The following SHISA9 variants were observed in gnomAD, a reference collection of about 807,000 sequenced individuals.
SHISA9 encodes the protein shisa family member 9.
A neutral mutation model predicts 38.0 loss-of-function variants in SHISA9; 13 were observed. That is an observed-to-expected ratio of 0.34 (90% confidence interval 0.22 to 0.54). The LOEUF is 0.54. Among genes scored for constraint, SHISA9 ranks in the 20% least tolerant of loss-of-function variants. The probability of loss-of-function intolerance (pLI) is 0.91; values close to 1 mark genes in which losing one functional copy is unlikely to be tolerated. For missense variants in SHISA9, 538 were observed against 575.8 expected (o/e 0.93, Z 0.67); for synonymous variants, 275 against 242.0 (o/e 1.14, Z -1.27).
chr16:13,044,239 A>T lies in SHISA9; in HGVS notation c.691+127424A>T, dbSNP rs563896183. ...GCACTTACAGATATCAGGTTGGTGC[A>T]AAAATAATTTTCCCAATACATGAAT... is the stretch of plus-strand genomic sequence containing the variant. On this transcript the variant is annotated intron_variant, in intron 2 of 4. Coordinates refer to ENST00000558583, the MANE Select transcript of SHISA9 (RefSeq NM_001145204.3). Among the ~76,000 whole-genome samples the T allele has an allele frequency of 7.2e-5, 11 of 152,294 alleles. No individual in the cohort carries two copies. The East Asian group carries it at 1.9e-3, about 27-fold the overall frequency.
intron 2 of SHISA9, among the ~76,000 whole-genome samples, chr16:12,957,678 T>C (rs1482618182): frequency 6.6e-6 from 1 of 152,212 alleles, no homozygotes; most frequent in East Asian, 1.9e-4. Context: ...ACATTCAGTC[T>C]ATGACAGGCT....
At chr16:12,953,239 C>G (rs576412545) in intron 2 of SHISA9, among the ~76,000 whole-genome samples, 3 of 146,646 alleles carry the variant, frequency 2.0e-5, no homozygotes, top group African/African-American at 7.4e-5. Context: ...ACAACAACAA[C>G]AAAAAACAGC....
rs1423100320 is a variant in SHISA9 at position 12,902,433 on chromosome 16, C to A, written c.369C>A (p.Tyr123Ter). Residue 123 changes from tyrosine (Y) to a stop codon, truncating the protein, a stop_gained, in exon 1 of 5, where the codon TAC becomes TAA. Transcript: ENST00000558583. LOFTEE classifies it high-confidence loss of function. ...RRLNQSTCTNYDTPLWLNTGK... is the reference protein window; with the variant it reads ...RRLNQSTCTN ...TGAACCAAAGCACCTGCACCAACTA[C>A]GACACGCCGCTCTGGCTCAACACCG... 1 of 1,551,364 alleles carries A rather than the reference C, an allele frequency of 6.4e-7. No individual in the cohort carries two copies. The highest frequency in any genetic ancestry group is 8.7e-7 in the Non-Finnish European group (1 of 1,146,982).
At chr16:13,446,602 A>G in the SHISA9 span, among the ~76,000 whole-genome samples, 1 of 152,154 alleles carries the variant, frequency 6.6e-6, no homozygotes, top group Non-Finnish European at 1.5e-5. Context: ...GTTAAGCAAG[A>G]GAGCATATGT....
the SHISA9 span, among the ~76,000 whole-genome samples, chr16:13,496,110 T>C: frequency 6.6e-5 from 10 of 152,250 alleles, no homozygotes; most frequent in Admixed American, 3.3e-4. Context: ...GAAATATACA[T>C]GATAAGGTTT....
chr16:13,002,823 G>A (rs2072542977), intron 2 of SHISA9, among the ~76,000 whole-genome samples: 1 of 152,144 alleles, frequency 6.6e-6, no homozygotes, highest in Admixed American at 6.6e-5. Context: ...ATGAGCCACT[G>A]TGCCCAGCCA....
Position 13,214,753 on chromosome 16 carries a change from G to A in SHISA9, c.895+1453G>A, listed in dbSNP as rs114205505. Among the ~76,000 whole-genome samples the A allele has an allele frequency of 2.1e-3, 316 of 152,158 alleles. 2 individuals are homozygous for A. Among genetic ancestry groups the A allele is most frequent in the African/African-American group, 7.0e-3 (290 of 41,504 alleles). The stretch of plus-strand genomic sequence containing the variant: ...TGGATAGCAAAGGGAGAGCTTGTGC[G>A]GAGAAACTCCCATTTTTAAAACCAT... On this transcript the variant is annotated intron_variant, in intron 4 of 4. Coordinates refer to ENST00000558583, the MANE Select transcript of SHISA9 (RefSeq NM_001145204.3).
the SHISA9 span, among the ~76,000 whole-genome samples, chr16:13,353,830 G>A: frequency 0.012 from 1,763 of 152,050 alleles, 13 homozygotes; most frequent in Middle Eastern, 0.028. Context: ...AGGACCGTAA[G>A]GGATATAAAG....
chr16:13,034,584 A>G (rs2073031047), intron 2 of SHISA9, among the ~76,000 whole-genome samples: 1 of 152,204 alleles, frequency 6.6e-6, no homozygotes, highest in South Asian at 2.1e-4. Flanking sequence ...CCAATTCTTC[A>G]GACCTCCCTC....
intron 2 of SHISA9, among the ~76,000 whole-genome samples, chr16:12,922,662 G>C (rs1408304783): frequency 6.6e-6 from 1 of 152,144 alleles, no homozygotes; most frequent in Non-Finnish European, 1.5e-5. Flanking sequence ...TGGGATTACA[G>C]GCAGATGCCA....
At chr16:12,923,284 C>A (rs796254406) in intron 2 of SHISA9, among the ~76,000 whole-genome samples, 7 of 152,338 alleles carry the variant, frequency 4.6e-5, no homozygotes, top group African/African-American at 1.7e-4. Flanking sequence ...AATCCCAGCA[C>A]TTTGGGAGGC....
At chr16:13,216,424 G>A (rs924972407) in intron 4 of SHISA9, among the ~76,000 whole-genome samples, 21 of 152,136 alleles carry the variant, frequency 1.4e-4, no homozygotes, top group African/African-American at 2.9e-4. Flanking sequence ...AGTAATAAAT[G>A]CATGCAGTTC....
the SHISA9 span, among the ~76,000 whole-genome samples, chr16:13,247,835 A>T: frequency 6.6e-6 from 1 of 152,180 alleles, no homozygotes; most frequent in Non-Finnish European, 1.5e-5. Context: ...TTAAAACATT[A>T]TAAAAGGGCA....
intron 4 of SHISA9, among the ~76,000 whole-genome samples, chr16:13,215,421 T>G (rs2051158715): frequency 6.6e-6 from 1 of 152,180 alleles, no homozygotes; most frequent in African/African-American, 2.4e-5. Context: ...ATTTTTGGGT[T>G]TTGCATTAGA....
chr16:13,187,332 T>TCTTTTC lies in SHISA9; in HGVS notation c.692-16062_692-16061insCTTTTC, dbSNP rs747280269. 5.0e-3 allele frequency among the ~76,000 whole-genome samples: 524 copies of TCTTTTC among 104,216 alleles called. 6 individuals carry two copies. Among genetic ancestry groups the TCTTTTC allele is most frequent in the South Asian group, 9.4e-3 (32 of 3,388 alleles). 68.4% of individuals were successfully genotyped at this position (104,216 alleles called of 152,430 possible). On this transcript the variant is annotated intron_variant, in intron 2 of 4. Coordinates refer to ENST00000558583, the MANE Select transcript of SHISA9 (RefSeq NM_001145204.3). ...AGGCTTCTTTTCTTTTCTTTTCTTT[T>TCTTTTC]TTTTTTTTTTTTTTTTTTTTGAGGC...
intron 3 of SHISA9, among the ~76,000 whole-genome samples, chr16:13,209,880 C>T (rs1465823782): frequency 1.3e-5 from 2 of 152,176 alleles, no homozygotes; most frequent in Admixed American, 6.5e-5. Flanking sequence ...GGCGATGGAT[C>T]ACGGGGTCAG....
At chr16:13,412,958 C>CAAAT in the SHISA9 span, among the ~76,000 whole-genome samples, 1,144 of 151,520 alleles carry the variant, frequency 7.6e-3, 8 homozygotes, top group Non-Finnish European at 0.012. Context: ...AATGCATACA[C>CAAAT]AAATAAATAA....
chr16:13,144,967 T>C (rs1442832793), intron 2 of SHISA9, among the ~76,000 whole-genome samples: 3 of 152,194 alleles, frequency 2.0e-5, no homozygotes, highest in Admixed American at 6.5e-5. Context: ...TGCAAGAAGA[T>C]AGAGCTTTTG....
chr16:13,248,916 C>G, the SHISA9 span, among the ~76,000 whole-genome samples: 5 of 152,150 alleles, frequency 3.3e-5, no homozygotes, highest in African/African-American at 1.2e-4. Context: ...GTGCATTACT[C>G]TAGAATTGGC....
Sources: allele counts gnomAD v4.1 joint callset (sites outside exome capture counted in the v4.1 genomes callset), GRCh38; gene constraint gnomAD v4.1.1; transcripts MANE v1.5; gene names NCBI Gene and HGNC (gene_info 2026-07-23, HGNC 2026-07-21).